AADACL3: variants seen among roughly 807,000 people sequenced by gnomAD.
AADACL3 encodes arylacetamide deacetylase like 3, also known as arylacetamide deacetylase-like 3.
A neutral mutation model predicts 13.6 loss-of-function variants in AADACL3; 13 were observed. That is an observed-to-expected ratio of 0.95 (90% CI 0.62 to 1.52). The LOEUF (loss-of-function observed/expected upper bound fraction) is 1.52, where lower values mean the gene tolerates loss of function less well. Among genes scored for constraint, AADACL3 ranks in the 40% most tolerant of loss-of-function variants. The probability of loss-of-function intolerance (pLI) is 0.00; values close to 1 mark genes in which losing one functional copy is unlikely to be tolerated. For synonymous variants in AADACL3, 195 were observed against 197.0 expected, an observed-to-expected ratio of 0.99 and a Z score of 0.08; for missense variants, 519 against 499.2, an observed-to-expected ratio of 1.04 and a Z score of -0.38.
At chr1:12,720,359 G>C (rs1192427063) in intron 2 of AADACL3, among the ~76,000 whole-genome samples, 1 of 152,164 alleles carries the variant, frequency 6.6e-6, no homozygotes, top group East Asian at 1.9e-4. Context: ...GTCTGTATGA[G>C]AATGATAGTA....
At position 12,727,129 on chromosome 1, in the gene AADACL3, C is replaced by G. The variant is rs1464039047; in HGVS notation, c.*1133C>G. On this transcript the variant is annotated 3_prime_UTR_variant, in exon 4 of 4. Coordinates refer to ENST00000359318, the MANE Select transcript of AADACL3 (RefSeq NM_001103170.3). ...CATTATCATGGACTTGCCTCATGCT[C>G]AGCAGTCCCAGAAAAAAGCCTAATT... 1 of 152,240 alleles carries G rather than the reference C, an allele frequency of 6.6e-6. No homozygotes were observed. The highest frequency in any genetic ancestry group is 1.5e-5 in the Non-Finnish European group (1 of 68,056). The allele number at this position is 152,240 out of a possible 1,614,324, so 9.4% of individuals were successfully genotyped here.
In AADACL3 at chr1:12,724,361, A is replaced by T. The variant is rs386628589; in HGVS notation, c.450-861A>T. On this transcript the variant is annotated intron_variant, in intron 3 of 3. Coordinates refer to ENST00000359318, the MANE Select transcript of AADACL3 (RefSeq NM_001103170.3). ...AAACTGGAGGACTGGGAGAAAACCC[A>T]CACAGACATGAGGAGAATGTGCAAA... Among the ~76,000 whole-genome samples the T allele has an allele frequency of 2.1e-3, 327 of 152,296 alleles. 1 individual carries two copies. Among genetic ancestry groups the T allele is most frequent in the African/African-American group, 7.6e-3 (317 of 41,548 alleles).
In AADACL3 at chr1:12,719,464, C is replaced by T. The variant is rs181866526; in HGVS notation, c.169-11C>T. 127 of 1,611,528 alleles carry T rather than the reference C, an allele frequency of 7.9e-5. No homozygotes were observed. Among genetic ancestry groups the T allele is most frequent in the Non-Finnish European group, 1.1e-4 (126 of 1,177,718 alleles). ...CCCATCTCGACCCATCATTTCTTCT[C>T]TCTCCAACAGGGGATGATATTTGAG... On this transcript the variant is annotated splice_polypyrimidine_tract_variant and intron_variant, in intron 1 of 3. Transcript: ENST00000359318.
Position 12,725,624 on chromosome 1 carries a change from G to A in AADACL3, c.852G>A (p.Trp284Ter). The A allele has an allele frequency of 1.2e-6, 2 of 1,614,086 alleles. No individual in the cohort carries two copies. Among genetic ancestry groups the A allele is most frequent in the Middle Eastern group, 1.6e-4 (1 of 6,062 alleles). ...AAGTCTGGGAAAAGTACAGAAAGTG[G>A]TTGGGCCCAGAAAACATCCCTGAGA... is the stretch of plus-strand genomic sequence containing the variant. ...PAEVWEKYRK[W>*]LGPENIPERF... Residue 284 changes from tryptophan to a stop codon, truncating the protein, a stop_gained, in exon 4 of 4, where the codon TGG (tryptophan) becomes TGA (stop). Coordinates refer to ENST00000359318, the MANE Select transcript of AADACL3 (RefSeq NM_001103170.3). LOFTEE classifies it low-confidence loss of function (END_TRUNC).
intron 1 of AADACL3, among the ~76,000 whole-genome samples, chr1:12,718,599 A>G (rs143685624): frequency 0.013 from 1,975 of 152,046 alleles, 38 homozygotes; most frequent in East Asian, 0.053. Context: ...AGGGTTCAAG[A>G]GATTCTTCTG....
At chr1:12,725,000 C>T (rs3886183) in intron 3 of AADACL3, among the ~76,000 whole-genome samples, 3,282 of 152,178 alleles carry the variant, frequency 0.022, 58 homozygotes, top group Middle Eastern at 0.095. Flanking sequence ...GTGGATGTCT[C>T]GTGACACAGG....
Position 12,726,181 on chromosome 1 carries a change from T to C in AADACL3, c.*185T>C, listed in dbSNP as rs939775608. The C allele has an allele frequency of 2.6e-5, 17 of 652,766 alleles. No individual in the cohort carries two copies. Among genetic ancestry groups the C allele is most frequent in the Non-Finnish European group, 3.0e-5 (12 of 396,378 alleles). The allele number at this position is 652,766 out of a possible 1,614,324, so 40.4% of individuals were successfully genotyped here. On this transcript the variant is annotated 3_prime_UTR_variant, in exon 4 of 4. Coordinates refer to ENST00000359318, the MANE Select transcript of AADACL3 (RefSeq NM_001103170.3). ...TGCTCCTGATGTCCAGAGGACGTGG[T>C]AGAAAAGACAGGTTTGGAGGTGGGA...
chr1:12,724,563 C>A (rs1034134561), intron 3 of AADACL3, among the ~76,000 whole-genome samples: 9 of 152,054 alleles, frequency 5.9e-5, no homozygotes, highest in African/African-American at 1.9e-4. Flanking sequence ...CAGCTCACTG[C>A]AGCCTCAACC....
chr1:12,725,107 C>A, intron 3 of AADACL3, 115 bp from the exon 4 acceptor site: 1 of 1,160,382 alleles, frequency 8.6e-7, no homozygotes, highest in Non-Finnish European at 1.2e-6. Flanking sequence ...CTAACTTTAA[C>A]TGCTCAAGTT....
intron 3 of AADACL3, among the ~76,000 whole-genome samples, 179 bp downstream of exon 3, chr1:12,721,125 G>A (rs572328615): frequency 3.9e-4 from 59 of 152,252 alleles, no homozygotes; most frequent in African/African-American, 1.3e-3. Context: ...GAAGGCGGCT[G>A]GGTGTGGTGG....
chr1:12,716,161 C>A lies in AADACL3; in HGVS notation c.-16C>A. 1 of 763,668 alleles carries A rather than the reference C, an allele frequency of 1.3e-6. No individual in the cohort carries two copies. Among genetic ancestry groups the A allele is most frequent in the Non-Finnish European group, 2.3e-6 (1 of 435,884 alleles). 47.3% of individuals were successfully genotyped at this position (763,668 alleles called of 1,614,324 possible). ...GCGCACAGCTTCCTCTCAGCCCGCT[C>A]TGAGCTGGAAGCAGCATGTGGGACC... is the stretch of plus-strand genomic sequence containing the variant. On this transcript the variant is annotated 5_prime_UTR_variant, in exon 1 of 4. The change creates a new upstream start codon in the 5' untranslated region. Coordinates refer to ENST00000359318, the MANE Select transcript of AADACL3 (RefSeq NM_001103170.3).
chr1:12,721,236 T>A (rs1638252914), intron 3 of AADACL3, among the ~76,000 whole-genome samples: 1 of 151,988 alleles, frequency 6.6e-6, no homozygotes. Flanking sequence ...ACCCCATTTT[T>A]ACAAAAAATA....
rs181669836 is a variant in AADACL3 at position 12,725,112 on chromosome 1, C to T, written c.450-110C>T. 6 of 1,214,598 alleles carry T rather than the reference C, an allele frequency of 4.9e-6. No individual in the cohort carries two copies. The African/African-American group carries it at 7.6e-5, about 15-fold the overall frequency. 75.2% of individuals were successfully genotyped at this position (1,214,598 alleles called of 1,614,324 possible). ...AGCCTCACACCTAACTTTAACTGCTCAAGTTTCACAAAGGGAAGTGAATGG... is the reference window on the plus strand; with the variant it reads ...AGCCTCACACCTAACTTTAACTGCTTAAGTTTCACAAAGGGAAGTGAATGG... On this transcript the variant is annotated intron_variant, in intron 3 of 3. Transcript: ENST00000359318.
chr1:12,716,920 T>A (rs1648449467), intron 1 of AADACL3, among the ~76,000 whole-genome samples: 1 of 152,148 alleles, frequency 6.6e-6, no homozygotes, highest in Non-Finnish European at 1.5e-5. Context: ...AATTACAGAA[T>A]GTGACTTTAA....
chr1:12,728,259 C>T lies in AADACL3; in HGVS notation c.*2263C>T, dbSNP rs966296060. 8 of 152,166 alleles carry T rather than the reference C, an allele frequency of 5.3e-5. No individual in the cohort carries two copies. Among genetic ancestry groups the T allele is most frequent in the African/African-American group, 1.9e-4 (8 of 41,430 alleles). 9.4% of individuals were successfully genotyped at this position (152,166 alleles called of 1,614,324 possible). A position where few individuals can be genotyped will look rare whatever the true frequency, so the allele number is the denominator to read the frequency against. On this transcript the variant is annotated 3_prime_UTR_variant, in exon 4 of 4. Coordinates refer to ENST00000359318, the MANE Select transcript of AADACL3 (RefSeq NM_001103170.3). ...ATTTAAATTTGCCACCTCTTATGTT[C>T]CTCACATTAATCTTACAGAGTAGGT...
intron 3 of AADACL3, among the ~76,000 whole-genome samples, chr1:12,723,073 T>C (rs1187367804): frequency 6.6e-6 from 1 of 152,198 alleles, no homozygotes; most frequent in Non-Finnish European, 1.5e-5. Flanking sequence ...GGTCTTGCCA[T>C]GTTGCCCAGG....
At position 12,725,399 on chromosome 1, in the gene AADACL3, G is replaced by T. The variant is rs751612580; in HGVS notation, c.627G>T (p.Arg209Ser). ...AAVVCQQLVD[R>S]PDLPRIRAQI... is the part of the protein sequence containing the mutation. ...TGGTTTGTCAACAACTTGTGGACAG[G>T]CCAGATCTGCCCCGGATCCGGGCTC... is the stretch of plus-strand genomic sequence containing the variant. Residue 209 changes from arginine to serine, a missense_variant, in exon 4 of 4, where the codon AGG becomes AGT. Coordinates refer to ENST00000359318, the MANE Select transcript of AADACL3 (RefSeq NM_001103170.3). 1.7e-5 allele frequency: 28 copies of T among 1,613,986 alleles called. No homozygotes were observed. Among genetic ancestry groups the T allele is most frequent in the Non-Finnish European group, 2.3e-5 (27 of 1,180,004 alleles).
chr1:12,722,183 C>G (rs1030913658), intron 3 of AADACL3, among the ~76,000 whole-genome samples: 1 of 151,944 alleles, frequency 6.6e-6, no homozygotes, highest in African/African-American at 2.4e-5. Flanking sequence ...AAAAATTAGC[C>G]AGGTGTGGTG....
chr1:12,723,053 G>T (rs185514155), intron 3 of AADACL3, among the ~76,000 whole-genome samples: 220 of 152,018 alleles, frequency 1.4e-3, no homozygotes, highest in African/African-American at 5.0e-3. Flanking sequence ...ATTTTCTTTA[G>T]TAGAGACGAG....
Sources: gnomAD v4.1 joint callset for allele counts (sites outside exome capture counted in the v4.1 genomes callset) on GRCh38, gnomAD v4.1.1 for gene constraint, MANE v1.5 for transcripts, NCBI Gene and HGNC (gene_info 2026-07-23, HGNC 2026-07-21) for gene names.